The following KCNIP4 variants were observed in gnomAD, a reference collection of about 807,000 sequenced individuals.
KCNIP4 encodes Kv channel-interacting protein 4.
Under a neutral mutation model 34.0 loss-of-function variants are expected in KCNIP4, and 12 were observed. The observed-to-expected ratio is 0.35, with a 90% CI of 0.23 to 0.57. KCNIP4 has a LOEUF of 0.57. Ranked by LOEUF, KCNIP4 falls within the 20% of genes least tolerant of loss-of-function variation. KCNIP4 has a pLI of 0.83. For missense variants in KCNIP4, 238 were observed against 311.7 expected (o/e 0.76, Z 1.78); for synonymous variants, 124 against 102.2 (o/e 1.21, Z -1.29).
intron 1 of KCNIP4, among the ~76,000 whole-genome samples, chr4:21,175,884 G>T (rs193104966): frequency 2.0e-5 from 3 of 152,246 alleles, no homozygotes; most frequent in Admixed American, 6.5e-5. Flanking sequence ...AAATAAGGGA[G>T]GACTATGGTA....
intron 1 of KCNIP4, among the ~76,000 whole-genome samples, chr4:21,605,541 C>T (rs1355666130): frequency 1.3e-5 from 2 of 152,034 alleles, no homozygotes; most frequent in Admixed American, 1.3e-4. Context: ...AGTGCAGTGG[C>T]GTGATCTCGG....
intron 1 of KCNIP4, among the ~76,000 whole-genome samples, chr4:21,873,726 C>T (rs138549029): frequency 2.0e-5 from 3 of 152,242 alleles, no homozygotes; most frequent in Non-Finnish European, 2.9e-5. Context: ...GAAAGCATCC[C>T]GGTTACAAAA....
intron 1 of KCNIP4, among the ~76,000 whole-genome samples, chr4:21,060,556 A>G (rs142617837): frequency 3.0e-4 from 45 of 152,300 alleles, no homozygotes; most frequent in Non-Finnish European, 5.3e-4. Flanking sequence ...GTGCAGAGTA[A>G]TACTAGGCAG....
At chr4:20,970,044 C>T (rs912009948) in intron 1 of KCNIP4, among the ~76,000 whole-genome samples, 23 of 151,966 alleles carry the variant, frequency 1.5e-4, no homozygotes, top group African/African-American at 5.5e-4. Flanking sequence ...CGGGTTCACT[C>T]CATTCTCCTG....
intron 1 of KCNIP4, among the ~76,000 whole-genome samples, chr4:21,237,669 G>T (rs1417727035): frequency 6.6e-6 from 1 of 152,086 alleles, no homozygotes; most frequent in Non-Finnish European, 1.5e-5. Flanking sequence ...ACCCTCCCAA[G>T]ACAAAACCAG....
intron 1 of KCNIP4, among the ~76,000 whole-genome samples, chr4:21,215,258 G>A (rs1013402685): frequency 2.0e-5 from 3 of 151,834 alleles, no homozygotes; most frequent in African/African-American, 4.8e-5. Flanking sequence ...TTCCCTTGCT[G>A]TCCTTTTTTT....
intron 1 of KCNIP4, among the ~76,000 whole-genome samples, chr4:20,940,271 GTAA>G (rs1196246135): frequency 3.9e-5 from 6 of 152,166 alleles, no homozygotes; most frequent in Non-Finnish European, 8.8e-5. Flanking sequence ...TCTAAAATGA[GTAA>G]TTATTATAGC....
intron 1 of KCNIP4, among the ~76,000 whole-genome samples, chr4:21,727,138 T>C (rs759600350): frequency 2.8e-4 from 42 of 152,272 alleles, no homozygotes; most frequent in Non-Finnish European, 4.4e-4. Flanking sequence ...CATGTTAGGA[T>C]CAAACACCCA....
intron 1 of KCNIP4, among the ~76,000 whole-genome samples, chr4:21,416,511 A>T (rs1247967105): frequency 6.6e-6 from 1 of 152,230 alleles, no homozygotes; most frequent in Admixed American, 6.5e-5. Flanking sequence ...AGAACAAAGG[A>T]ACAAGTGGCA....
chr4:21,154,388 A>G (rs1752991687), intron 1 of KCNIP4, among the ~76,000 whole-genome samples: 1 of 152,212 alleles, frequency 6.6e-6, no homozygotes, highest in Non-Finnish European at 1.5e-5. Flanking sequence ...TTCCCAGAGT[A>G]TATGCTGAAT....
rs949984759 is a variant in KCNIP4, at chr4:20,931,614, G to A, written c.62-48905C>T. ...AAAATAGAAAATGTATGGTAAAAAT[G>A]TGGTATTATAATCTTATGGGACTAC... On this transcript the variant is annotated intron_variant, in intron 1 of 8. Coordinates refer to ENST00000382152, the MANE Select transcript of KCNIP4 (RefSeq NM_025221.6). Among the ~76,000 whole-genome samples, 8 of 152,026 alleles carry A rather than the reference G, an allele frequency of 5.3e-5. No homozygotes were observed. The South Asian group carries it at 1.7e-3, about 32-fold the overall frequency.
intron 1 of KCNIP4, among the ~76,000 whole-genome samples, chr4:21,137,093 G>A (rs1164591024): frequency 6.8e-6 from 1 of 147,554 alleles, no homozygotes; most frequent in Admixed American, 6.7e-5. Context: ...CTGTCGTCTT[G>A]GCAAAATATT....
intron 1 of KCNIP4, among the ~76,000 whole-genome samples, chr4:21,143,449 C>A (rs1015332704): frequency 4.6e-5 from 7 of 152,136 alleles, no homozygotes; most frequent in Non-Finnish European, 8.8e-5. Context: ...TGCCAGTAAC[C>A]TGAATGAGCT....
chr4:20,981,160 T>A (rs764578443), intron 1 of KCNIP4, among the ~76,000 whole-genome samples: 1 of 152,170 alleles, frequency 6.6e-6, no homozygotes, highest in Non-Finnish European at 1.5e-5. Context: ...TTCATCATGA[T>A]TGAATGTAAG....
chr4:21,083,322 A>G (rs955776989), intron 1 of KCNIP4, among the ~76,000 whole-genome samples: 1 of 151,016 alleles, frequency 6.6e-6, no homozygotes, highest in East Asian at 1.9e-4. Context: ...ACTAGACTTT[A>G]CCTTTGCAAT....
intron 1 of KCNIP4, among the ~76,000 whole-genome samples, chr4:21,273,262 C>G (rs1434899944): frequency 6.6e-6 from 1 of 152,032 alleles, no homozygotes; most frequent in Non-Finnish European, 1.5e-5. Flanking sequence ...CCTGCCTAAT[C>G]AGACCTACCT....
chr4:21,232,155 T>A (rs1184942503), intron 1 of KCNIP4, among the ~76,000 whole-genome samples: 2 of 152,134 alleles, frequency 1.3e-5, no homozygotes, highest in African/African-American at 4.8e-5. Flanking sequence ...AATGTTTTTG[T>A]TCATTTCCCT....
At chr4:21,738,903 G>C (rs1716205035) in intron 1 of KCNIP4, among the ~76,000 whole-genome samples, 1 of 152,054 alleles carries the variant, frequency 6.6e-6, no homozygotes, top group East Asian at 1.9e-4. Context: ...GAAGAGTTTG[G>C]AGAATAGAAA....
chr4:21,035,085 A>G (rs1741339261), intron 1 of KCNIP4, among the ~76,000 whole-genome samples: 2 of 152,212 alleles, frequency 1.3e-5, no homozygotes, highest in Non-Finnish European at 2.9e-5. Context: ...CTTTTAATGG[A>G]CATGAGTCCA....
Sources: gnomAD v4.1 joint callset for allele counts (sites outside exome capture counted in the v4.1 genomes callset) on GRCh38, gnomAD v4.1.1 for gene constraint, MANE v1.5 for transcripts, NCBI Gene and HGNC (gene_info 2026-07-23, HGNC 2026-07-21) for gene names.